The following MDFIC2 variants were observed in gnomAD, a reference collection of about 807,000 sequenced individuals.
The protein encoded by MDFIC2 is MyoD family inhibitor domain containing 2.
At chr3:70,238,794 C>T (rs1701637565) in intron 2 of MDFIC2, among the ~76,000 whole-genome samples, 2 of 151,982 alleles carry the variant, frequency 1.3e-5, no homozygotes, top group African/African-American at 2.4e-5. Context: ...TACAAATTCC[C>T]TCTTTATCTA....
intron 2 of MDFIC2, among the ~76,000 whole-genome samples, chr3:70,275,914 C>T (rs191739542): frequency 2.6e-5 from 4 of 151,880 alleles, no homozygotes; most frequent in East Asian, 3.9e-4. Flanking sequence ...TGCTCATTGT[C>T]GATGCAAATC....
chr3:70,273,842 G>A (rs750763768), intron 2 of MDFIC2, among the ~76,000 whole-genome samples: 5 of 151,962 alleles, frequency 3.3e-5, no homozygotes, highest in Admixed American at 6.6e-5. Context: ...TCACTTTATT[G>A]CCTAGGCTGG....
intron 2 of MDFIC2, among the ~76,000 whole-genome samples, chr3:70,226,933 T>C (rs554767666): frequency 2.0e-5 from 3 of 152,066 alleles, no homozygotes; most frequent in Non-Finnish European, 4.4e-5. Flanking sequence ...TCTTTACCCA[T>C]AGATTTTTTA....
intron 2 of MDFIC2, among the ~76,000 whole-genome samples, chr3:70,258,288 G>A (rs1701835583): frequency 6.6e-6 from 1 of 151,940 alleles, no homozygotes; most frequent in African/African-American, 2.4e-5. Flanking sequence ...TTAATAAATT[G>A]GCTTTCATCA....
intron 2 of MDFIC2, among the ~76,000 whole-genome samples, chr3:70,226,508 C>T (rs1163542472): frequency 6.6e-6 from 1 of 152,010 alleles, no homozygotes; most frequent in Non-Finnish European, 1.5e-5. Flanking sequence ...GAGGCTGAGG[C>T]ATGTGGATTA....
At chr3:70,305,101 T>G (rs1377671820) in intron 2 of MDFIC2, among the ~76,000 whole-genome samples, 1 of 152,194 alleles carries the variant, frequency 6.6e-6, no homozygotes, top group Non-Finnish European at 1.5e-5. Flanking sequence ...ATAGTCCTCA[T>G]GCCAATCTCT....
intron 2 of MDFIC2, among the ~76,000 whole-genome samples, chr3:70,270,479 C>G (rs535530451): frequency 7.9e-5 from 12 of 152,262 alleles, no homozygotes; most frequent in African/African-American, 2.6e-4. Flanking sequence ...GTGGCTACCT[C>G]TCATTATTGT....
chr3:70,298,881 T>C (rs1702317831), intron 2 of MDFIC2, among the ~76,000 whole-genome samples: 1 of 152,254 alleles, frequency 6.6e-6, no homozygotes, highest in South Asian at 2.1e-4. Context: ...TTGGACCAAA[T>C]TATTTAAACT....
intron 2 of MDFIC2, among the ~76,000 whole-genome samples, chr3:70,231,763 C>T (rs1701561802): frequency 1.3e-5 from 2 of 152,258 alleles, no homozygotes; most frequent in Middle Eastern, 3.4e-3. Flanking sequence ...GCCAGTCCCA[C>T]GACTGCCCCC....
chr3:70,246,067 C>G (rs1701705566), intron 2 of MDFIC2, among the ~76,000 whole-genome samples: 2 of 151,390 alleles, frequency 1.3e-5, no homozygotes, highest in South Asian at 4.2e-4. Flanking sequence ...TTCTTTTATT[C>G]CCAAAAGATA....
intron 2 of MDFIC2, among the ~76,000 whole-genome samples, chr3:70,310,815 T>G (rs1702447649): frequency 6.7e-6 from 1 of 150,078 alleles, no homozygotes; most frequent in African/African-American, 2.4e-5. Context: ...AACTTAAACA[T>G]TTTTTTTCTT....
intron 2 of MDFIC2, among the ~76,000 whole-genome samples, chr3:70,255,284 T>C (rs749457051): frequency 1.3e-5 from 2 of 152,218 alleles, no homozygotes; most frequent in Non-Finnish European, 2.9e-5. Context: ...ACAAAACTTC[T>C]ATGAAAAAAC....
At chr3:70,275,995 C>T (rs760305912) in intron 2 of MDFIC2, among the ~76,000 whole-genome samples, 14 of 151,874 alleles carry the variant, frequency 9.2e-5, no homozygotes, top group Non-Finnish European at 2.1e-4. Context: ...TTTATTCCCC[C>T]ACAATAAACT....
chr3:70,289,992 GC>G (rs1702215041), intron 2 of MDFIC2, among the ~76,000 whole-genome samples: 1 of 152,002 alleles, frequency 6.6e-6, no homozygotes, highest in South Asian at 2.1e-4. Context: ...CAACTTCTTT[GC>G]CTTTGGTTTG....
intron 2 of MDFIC2, among the ~76,000 whole-genome samples, chr3:70,207,424 T>C (rs544064282): frequency 6.6e-6 from 1 of 152,192 alleles, no homozygotes; most frequent in East Asian, 1.9e-4. Flanking sequence ...TCCACATAAC[T>C]GTCTGGCACA....
intron 2 of MDFIC2, among the ~76,000 whole-genome samples, chr3:70,226,398 A>G (rs1701507398): frequency 6.6e-6 from 1 of 152,144 alleles, no homozygotes; most frequent in South Asian, 2.1e-4. Context: ...GTTGGGTATA[A>G]TATGCAGAAG....
At chr3:70,241,802 A>G (rs897068642) in intron 2 of MDFIC2, among the ~76,000 whole-genome samples, 1 of 152,146 alleles carries the variant, frequency 6.6e-6, no homozygotes, top group African/African-American at 2.4e-5. Flanking sequence ...TATTATACCT[A>G]TTTTACAAAT....
intron 2 of MDFIC2, among the ~76,000 whole-genome samples, chr3:70,218,503 G>C (rs190048574): frequency 6.6e-6 from 1 of 152,134 alleles, no homozygotes; most frequent in East Asian, 1.9e-4. Flanking sequence ...ATTTTCTTTT[G>C]CTTCCTTTCG....
intron 2 of MDFIC2, among the ~76,000 whole-genome samples, chr3:70,266,595 T>A (rs1324284483): frequency 6.6e-6 from 1 of 151,818 alleles, no homozygotes; most frequent in Non-Finnish European, 1.5e-5. Flanking sequence ...AGGGTGAATT[T>A]TTTTATTTTT....
Sources: gnomAD v4.1 joint callset for allele counts (sites outside exome capture counted in the v4.1 genomes callset) on GRCh38, gnomAD v4.1.1 for gene constraint, MANE v1.5 for transcripts, NCBI Gene and HGNC (gene_info 2026-07-23, HGNC 2026-07-21) for gene names.